ASTN1: variants seen among roughly 807,000 people sequenced by gnomAD.
The protein encoded by ASTN1 is astrotactin-1.
In ASTN1, 41 loss-of-function variants were observed where a neutral mutation model predicts 140.7. The ratio of observed to expected loss-of-function variants is 0.29; its 90% CI spans 0.23 to 0.38. The LOEUF (loss-of-function observed/expected upper bound fraction) is 0.38, where lower values mean the gene tolerates loss of function less well. Among genes scored for constraint, ASTN1 ranks in the 10% least tolerant of loss-of-function variants. ASTN1 has a pLI of 1.00. For missense variants in ASTN1, 1,479 were observed against 1,678.8 expected, an observed-to-expected ratio of 0.88 and a Z score of 2.08; for synonymous variants, 640 against 652.2, an observed-to-expected ratio of 0.98 and a Z score of 0.29.
intron 1 of ASTN1, among the ~76,000 whole-genome samples, chr1:177,095,001 C>A (rs1679960358): frequency 6.6e-6 from 1 of 152,122 alleles, no homozygotes; most frequent in Non-Finnish European, 1.5e-5. Context: ...AAAGGCAATC[C>A]TTGTCATAAA....
chr1:177,015,806 T>G (rs575433290), intron 7 of ASTN1, among the ~76,000 whole-genome samples: 4 of 152,142 alleles, frequency 2.6e-5, no homozygotes, highest in Non-Finnish European at 1.5e-5. Context: ...TTGAAGAAAA[T>G]TTTTGCTGCT....
At chr1:177,037,793 A>G (rs1238024292) in intron 2 of ASTN1, among the ~76,000 whole-genome samples, 1 of 152,218 alleles carries the variant, frequency 6.6e-6, no homozygotes, top group African/African-American at 2.4e-5. Flanking sequence ...TTTGGGGTAT[A>G]TGAGAAACCC....
At chr1:177,087,155 T>C (rs1217779083) in intron 1 of ASTN1, among the ~76,000 whole-genome samples, 1 of 152,104 alleles carries the variant, frequency 6.6e-6, no homozygotes, top group African/African-American at 2.4e-5. Flanking sequence ...AGCATGTTAG[T>C]GAAATCCTTT....
chr1:177,019,785 T>C (rs1423661993), intron 7 of ASTN1, among the ~76,000 whole-genome samples: 1 of 152,202 alleles, frequency 6.6e-6, no homozygotes, highest in Admixed American at 6.5e-5. Flanking sequence ...TTCCATAGAT[T>C]CCTGATACAT....
chr1:176,949,155 C>G, intron 12 of ASTN1, 30 bp downstream of exon 12: 1 of 1,612,060 alleles, frequency 6.2e-7, no homozygotes, highest in Non-Finnish European at 8.5e-7. Context: ...CAGATGGACG[C>G]CAGGTGGCCT....
chr1:176,959,155 A>C (rs1166940716), intron 9 of ASTN1, among the ~76,000 whole-genome samples: 1 of 152,202 alleles, frequency 6.6e-6, no homozygotes, highest in Non-Finnish European at 1.5e-5. Context: ...ATCAATCGGC[A>C]TTTCAAGGGA....
chr1:176,991,316 GGCAGGAGAATC>G (rs1355738353), intron 8 of ASTN1, among the ~76,000 whole-genome samples: 1 of 151,616 alleles, frequency 6.6e-6, no homozygotes, highest in East Asian at 1.9e-4. Flanking sequence ...AGGAGGCTGA[GGCAGGAGAATC>G]GCTTGAACCT....
Position 176,952,513 on chromosome 1 carries a change from C to T in ASTN1, c.1888-3162G>A, listed in dbSNP as rs868427519. Among the ~76,000 whole-genome samples the T allele has an allele frequency of 4.6e-5, 7 of 152,128 alleles. 1 individual carries two copies. The Middle Eastern group carries it at 0.01, about 222-fold the overall frequency. ...TTCCAGAAAAAAAAAAGGCTAAAAC[C>T]CAAAATAATTTTCTTCTTAACCTTT... On this transcript the variant is annotated intron_variant, in intron 11 of 22. Transcript: ENST00000361833.
At chr1:176,905,182 A>G (rs568315653) in intron 16 of ASTN1, among the ~76,000 whole-genome samples, 27 of 152,304 alleles carry the variant, frequency 1.8e-4, no homozygotes, top group Admixed American at 3.3e-4. Flanking sequence ...TAAAACTGAC[A>G]AACTGCCATT....
chr1:176,920,010 C>T (rs1418423731), intron 16 of ASTN1, among the ~76,000 whole-genome samples: 2 of 152,160 alleles, frequency 1.3e-5, no homozygotes, highest in Non-Finnish European at 2.9e-5. Flanking sequence ...CTTCTTTCTA[C>T]TTTTCTTTTT....
At chr1:176,918,666 C>T (rs746998456) in intron 16 of ASTN1, among the ~76,000 whole-genome samples, 2 of 152,194 alleles carry the variant, frequency 1.3e-5, no homozygotes, top group Non-Finnish European at 2.9e-5. Flanking sequence ...CTTTCCATTG[C>T]CCAGATTACT....
rs1398353033 is a variant in ASTN1, at chr1:177,093,781, C to A, written c.284-32516G>T. On this transcript the variant is annotated intron_variant, in intron 1 of 22. Coordinates refer to ENST00000361833, the MANE Select transcript of ASTN1 (RefSeq NM_004319.3). ...AACAAAGAAAAGGTTAGATTTCAATCATTTCCCATTGATTAATGATTCAGA... is the reference window on the plus strand; with the variant it reads ...AACAAAGAAAAGGTTAGATTTCAATAATTTCCCATTGATTAATGATTCAGA... Among the ~76,000 whole-genome samples the A allele has an allele frequency of 2.0e-5, 3 of 152,162 alleles. No individual in the cohort carries two copies. The East Asian group carries it at 5.8e-4, about 29-fold the overall frequency.
intron 1 of ASTN1, among the ~76,000 whole-genome samples, chr1:177,066,833 C>G (rs182689794): frequency 1.9e-4 from 29 of 152,290 alleles, no homozygotes; most frequent in South Asian, 1.0e-3. Context: ...GGGACCCTTT[C>G]TCACTCCTAG....
chr1:177,143,423 G>T (rs943781574), intron 1 of ASTN1, among the ~76,000 whole-genome samples: 1 of 152,198 alleles, frequency 6.6e-6, no homozygotes, highest in Admixed American at 6.5e-5. Context: ...AACCATCGTG[G>T]ATGGAGAATG....
intron 9 of ASTN1, among the ~76,000 whole-genome samples, chr1:176,960,832 G>A (rs1553234252): frequency 6.6e-6 from 1 of 152,024 alleles, no homozygotes; most frequent in Non-Finnish European, 1.5e-5. Context: ...TTCTTTGCCT[G>A]ACTTCTAATC....
rs186941058 is a variant in ASTN1 at position 176,978,913 on chromosome 1, G to A, written c.1524-13676C>T. ...GAATTGCCAAAAATCATACCTAAGA[G>A]AAATGAGGAAATATTCACTCATTTG... On this transcript the variant is annotated intron_variant, in intron 8 of 22. Coordinates refer to ENST00000361833, the MANE Select transcript of ASTN1 (RefSeq NM_004319.3). 4.3e-3 allele frequency among the ~76,000 whole-genome samples: 658 copies of A among 152,238 alleles called. 2 individuals carry two copies. The highest frequency in any genetic ancestry group is 0.017 in the Middle Eastern group (5 of 294).
chr1:176,930,673 T>C (rs1671170150), intron 16 of ASTN1, among the ~76,000 whole-genome samples: 2 of 152,186 alleles, frequency 1.3e-5, no homozygotes, highest in Non-Finnish European at 2.9e-5. Context: ...GTCACAGGAT[T>C]GACATCAGGG....
intron 1 of ASTN1, among the ~76,000 whole-genome samples, chr1:177,158,405 T>C (rs1683333581): frequency 6.6e-6 from 1 of 152,180 alleles, no homozygotes; most frequent in Non-Finnish European, 1.5e-5. Flanking sequence ...TGATGATAGG[T>C]GTCAATTTGT....
At chr1:176,962,943 G>A (rs184136533) in intron 9 of ASTN1, among the ~76,000 whole-genome samples, 1 of 152,310 alleles carries the variant, frequency 6.6e-6, no homozygotes. Flanking sequence ...AATAGTAGGT[G>A]TTCAATAGAT....
Sources: gnomAD v4.1 joint callset for allele counts (sites outside exome capture counted in the v4.1 genomes callset) on GRCh38, gnomAD v4.1.1 for gene constraint, MANE v1.5 for transcripts, NCBI Gene and HGNC (gene_info 2026-07-23, HGNC 2026-07-21) for gene names.